NWD2: variants seen among roughly 807,000 people sequenced by gnomAD.
NWD2 encodes the protein NACHT and WD repeat domain containing 2.
NWD2 carries 37 observed loss-of-function variants against 132.7 expected under a neutral mutation model. The ratio of observed to expected loss-of-function variants is 0.28; its 90% confidence interval spans 0.21 to 0.37. The LOEUF is 0.37. Ranked by LOEUF, NWD2 falls within the 10% of genes least tolerant of loss-of-function variation. The pLI is 1.00. For synonymous variants in NWD2, 705 were observed against 803.0 expected (o/e 0.88, Z 2.06); for missense variants, 1,592 against 2,122.4 (o/e 0.75, Z 4.91).
intron 3 of NWD2, among the ~76,000 whole-genome samples, chr4:37,416,858 C>T (rs1205102131): frequency 6.8e-6 from 1 of 147,290 alleles, no homozygotes; most frequent in Non-Finnish European, 1.5e-5. Flanking sequence ...AATGGAAAAC[C>T]AAACATCATA....
chr4:37,247,771 G>A (rs749971161), intron 1 of NWD2, among the ~76,000 whole-genome samples: 27 of 151,680 alleles, frequency 1.8e-4, no homozygotes, highest in Non-Finnish European at 3.7e-4. Flanking sequence ...CACTACGCCC[G>A]GCTAACTTTT....
At chr4:37,271,053 A>G (rs1411297812) in intron 1 of NWD2, among the ~76,000 whole-genome samples, 1 of 151,780 alleles carries the variant, frequency 6.6e-6, no homozygotes, top group Non-Finnish European at 1.5e-5. Flanking sequence ...AGTTCACTGT[A>G]TATGTGTGAA....
At chr4:37,300,417 A>G (rs1004187947) in intron 1 of NWD2, among the ~76,000 whole-genome samples, 1 of 152,154 alleles carries the variant, frequency 6.6e-6, no homozygotes, top group Non-Finnish European at 1.5e-5. Flanking sequence ...GAATTAGTAG[A>G]TCTGAAAGGC....
rs1717196125 is a variant in NWD2 at position 37,244,883 on chromosome 4, C to T, written c.-185C>T. The T allele has an allele frequency of 5.8e-6, 4 of 689,368 alleles. No individual in the cohort carries two copies. The highest frequency in any genetic ancestry group is 3.2e-5 in the Admixed American group (1 of 31,298). The allele number at this position is 689,368 out of a possible 1,614,324, so 42.7% of individuals were successfully genotyped here. ...GACAGGAGCCCGAGGGTCCGTATGG[C>T]TTCTCCTCGCCGGCGGGTGCTGTGC... On this transcript the variant is annotated 5_prime_UTR_variant, in exon 1 of 7. Transcript: ENST00000309447. This position sits in a 1 kb window ranked among gnomAD's most constrained non-coding sequence, Gnocchi z 5.5.
At chr4:37,296,097 C>G (rs7664806) in intron 1 of NWD2, among the ~76,000 whole-genome samples, 2 of 152,032 alleles carry the variant, frequency 1.3e-5, no homozygotes, top group South Asian at 4.1e-4. Flanking sequence ...CAAACAGGTG[C>G]CCTTTCCTAA....
At chr4:37,286,242 C>T (rs1428002131) in intron 1 of NWD2, among the ~76,000 whole-genome samples, 1 of 152,204 alleles carries the variant, frequency 6.6e-6, no homozygotes, top group African/African-American at 2.4e-5. Flanking sequence ...TCCTTACTTT[C>T]TTAGCACTTC....
At chr4:37,314,076 G>A (rs898766277) in intron 1 of NWD2, among the ~76,000 whole-genome samples, 1 of 152,116 alleles carries the variant, frequency 6.6e-6, no homozygotes, top group Non-Finnish European at 1.5e-5. Flanking sequence ...ATGTGGTTAT[G>A]TTCTTTATTA....
At chr4:37,388,437 G>A (rs1287664483) in intron 3 of NWD2, among the ~76,000 whole-genome samples, 1 of 152,048 alleles carries the variant, frequency 6.6e-6, no homozygotes, top group East Asian at 1.9e-4. Flanking sequence ...GCCCACCTCA[G>A]CATCCCAAAG....
At chr4:37,276,711 C>T (rs531809384) in intron 1 of NWD2, among the ~76,000 whole-genome samples, 84 of 152,148 alleles carry the variant, frequency 5.5e-4, no homozygotes, top group African/African-American at 2.0e-3. Context: ...GCACTATTCA[C>T]AATAGCAAAG....
At chr4:37,308,495 A>G (rs1378546459) in intron 1 of NWD2, among the ~76,000 whole-genome samples, 1 of 152,178 alleles carries the variant, frequency 6.6e-6, no homozygotes, top group African/African-American at 2.4e-5. Flanking sequence ...TCAGGGCGGC[A>G]GTCATTAGTG....
At chr4:37,377,467 C>T (rs1387945636) in intron 3 of NWD2, among the ~76,000 whole-genome samples, 4 of 152,180 alleles carry the variant, frequency 2.6e-5, no homozygotes, top group Admixed American at 6.5e-5. Context: ...CGTGGTGGCT[C>T]ACACCTGTAA....
intron 2 of NWD2, among the ~76,000 whole-genome samples, chr4:37,353,873 A>T (rs1719819377): frequency 6.6e-6 from 1 of 151,958 alleles, no homozygotes; most frequent in Non-Finnish European, 1.5e-5. Flanking sequence ...TTCTCCGCCC[A>T]GTTTTGTTCC....
chr4:37,329,323 A>G (rs566195881), intron 2 of NWD2, among the ~76,000 whole-genome samples: 12 of 152,296 alleles, frequency 7.9e-5, no homozygotes, highest in Non-Finnish European at 7.4e-5. Flanking sequence ...GACAGTGTAG[A>G]TTCCAGGGAT....
chr4:37,432,209 C>T (rs543856338), intron 4 of NWD2, among the ~76,000 whole-genome samples: 28 of 152,190 alleles, frequency 1.8e-4, no homozygotes, highest in Non-Finnish European at 2.8e-4. Flanking sequence ...CTTCAGCCAT[C>T]TCAATCTGTC....
intron 2 of NWD2, among the ~76,000 whole-genome samples, chr4:37,327,041 TA>T (rs1719187570): frequency 6.6e-6 from 1 of 152,156 alleles, no homozygotes; most frequent in South Asian, 2.1e-4. Context: ...ATTGTGAACC[TA>T]AATTAAATTC....
At chr4:37,411,678 C>G (rs536176022) in intron 3 of NWD2, among the ~76,000 whole-genome samples, 1 of 152,036 alleles carries the variant, frequency 6.6e-6, no homozygotes, top group South Asian at 2.1e-4. Context: ...AGAGACACAA[C>G]AAAAAAAGAA....
intron 2 of NWD2, among the ~76,000 whole-genome samples, chr4:37,337,485 G>A (rs973635536): frequency 1.3e-5 from 2 of 152,138 alleles, no homozygotes; most frequent in African/African-American, 2.4e-5. Flanking sequence ...GATCTTGCCC[G>A]CAACTACTTT....
At chr4:37,437,350 A>T (rs1048987017) in intron 5 of NWD2, among the ~76,000 whole-genome samples, 7 of 152,066 alleles carry the variant, frequency 4.6e-5, no homozygotes, top group South Asian at 4.1e-4. Flanking sequence ...ACTCTCTGAG[A>T]TCTCTTTTAT....
At chr4:37,341,497 T>C (rs939071522) in intron 2 of NWD2, among the ~76,000 whole-genome samples, 2 of 152,220 alleles carry the variant, frequency 1.3e-5, no homozygotes, top group African/African-American at 4.8e-5. Flanking sequence ...CATGTATGTA[T>C]AGCCAGAGCA....
Sources: gnomAD v4.1 joint callset for allele counts (sites outside exome capture counted in the v4.1 genomes callset) on GRCh38, gnomAD v4.1.1 for gene constraint, Gnocchi (gnomAD v3.1) non-coding constraint, MANE v1.5 for transcripts, NCBI Gene and HGNC (gene_info 2026-07-23, HGNC 2026-07-21) for gene names.